FBXL7: variants seen among roughly 807,000 people sequenced by gnomAD.
FBXL7 encodes the protein F-box and leucine rich repeat protein 7, also known as F-box/LRR-repeat protein 7.
FBXL7 carries 12 observed loss-of-function variants against 38.3 expected under a neutral mutation model. That is an observed-to-expected ratio of 0.31 (90% CI 0.20 to 0.51). FBXL7 has a LOEUF of 0.51. Among genes scored for constraint, FBXL7 ranks in the 20% least tolerant of loss-of-function variants. The pLI, the probability that FBXL7 is intolerant of heterozygous loss-of-function variation, is 0.98. For missense variants in FBXL7, 567 were observed against 676.4 expected, an observed-to-expected ratio of 0.84 and a Z score of 1.79; for synonymous variants, 297 against 300.9, an observed-to-expected ratio of 0.99 and a Z score of 0.13.
intron 2 of FBXL7, among the ~76,000 whole-genome samples, chr5:15,639,505 CT>C (rs1741289749): frequency 6.6e-6 from 1 of 152,050 alleles, no homozygotes; most frequent in Admixed American, 6.6e-5. Flanking sequence ...ATGTGACTTG[CT>C]CCTCCTTGCC....
intron 2 of FBXL7, among the ~76,000 whole-genome samples, chr5:15,681,960 G>A (rs1742857347): frequency 1.3e-5 from 2 of 152,198 alleles, no homozygotes; most frequent in African/African-American, 2.4e-5. Flanking sequence ...TTAGATTCAT[G>A]TAAACACAGC....
intron 2 of FBXL7, among the ~76,000 whole-genome samples, chr5:15,617,479 T>C (rs1740494926): frequency 6.7e-6 from 1 of 149,786 alleles, no homozygotes; most frequent in Non-Finnish European, 1.5e-5. Context: ...TTATTTGAGA[T>C]GGAGTCTCAC....
At chr5:15,523,676 T>C (rs996441020) in intron 1 of FBXL7, among the ~76,000 whole-genome samples, 1 of 152,170 alleles carries the variant, frequency 6.6e-6, no homozygotes, top group East Asian at 1.9e-4. Flanking sequence ...CCTGTTACCG[T>C]CCGTGGCGCC....
chr5:15,927,267 G>C (rs1741899860), intron 2 of FBXL7, among the ~76,000 whole-genome samples: 1 of 152,114 alleles, frequency 6.6e-6, no homozygotes, highest in Non-Finnish European at 1.5e-5. Context: ...GGGGGACAGA[G>C]CCCATGGCCT....
chr5:15,559,418 TTTTG>T (rs1227957855), intron 1 of FBXL7, among the ~76,000 whole-genome samples: 5 of 152,212 alleles, frequency 3.3e-5, no homozygotes, highest in African/African-American at 1.2e-4. Flanking sequence ...TGAGTGTGTG[TTTTG>T]TTTAAAAAGG....
chr5:15,824,320 C>T (rs539432870), intron 2 of FBXL7, among the ~76,000 whole-genome samples: 4 of 148,666 alleles, frequency 2.7e-5, no homozygotes, highest in South Asian at 2.1e-4. Context: ...AAGAGAAAAA[C>T]GTGGACCATT....
chr5:15,516,504 A>G (rs550728618), intron 1 of FBXL7, among the ~76,000 whole-genome samples: 1 of 152,254 alleles, frequency 6.6e-6, no homozygotes, highest in Non-Finnish European at 1.5e-5. Context: ...AGTTACTTGC[A>G]TGTCTTTAAT....
In FBXL7 at chr5:15,837,693, T is replaced by C. The variant is rs555586041; in HGVS notation, c.128-90197T>C. 2.0e-4 allele frequency among the ~76,000 whole-genome samples: 30 copies of C among 152,268 alleles called. No individual in the cohort carries two copies. In the South Asian group the frequency reaches 3.3e-3, roughly 17 times the overall value. Reference sequence around the variant, plus strand: ...ATTCTTAGTATGTTTAGTGTTAAGATATTATGAGAGCCAAGGATGGCAGCC... The same window carrying C: ...ATTCTTAGTATGTTTAGTGTTAAGACATTATGAGAGCCAAGGATGGCAGCC... On this transcript the variant is annotated intron_variant, in intron 2 of 3. Coordinates refer to ENST00000504595, the MANE Select transcript of FBXL7 (RefSeq NM_012304.5).
chr5:15,922,577 A>C (rs1348863811), intron 2 of FBXL7, among the ~76,000 whole-genome samples: 2 of 152,180 alleles, frequency 1.3e-5, no homozygotes, highest in Non-Finnish European at 2.9e-5. Context: ...CTCAGAATTT[A>C]AGGACACGCA....
chr5:15,785,869 A>G (rs1032772621), intron 2 of FBXL7, among the ~76,000 whole-genome samples: 1 of 152,252 alleles, frequency 6.6e-6, no homozygotes, highest in Non-Finnish European at 1.5e-5. Context: ...TTTGCAACAC[A>G]GTGAAATCCC....
At chr5:15,628,877 C>T (rs1327744128) in intron 2 of FBXL7, among the ~76,000 whole-genome samples, 1 of 152,116 alleles carries the variant, frequency 6.6e-6, no homozygotes, top group Non-Finnish European at 1.5e-5. Flanking sequence ...TGCTATAAAA[C>T]CACCCTTCCT....
intron 1 of FBXL7, among the ~76,000 whole-genome samples, chr5:15,567,912 C>CA (rs980095445): frequency 2.6e-5 from 4 of 152,256 alleles, no homozygotes; most frequent in Admixed American, 6.5e-5. Context: ...CATGTCCCTA[C>CA]AAAAGACATA....
At chr5:15,518,862 CT>C (rs968504648) in intron 1 of FBXL7, among the ~76,000 whole-genome samples, 1 of 152,098 alleles carries the variant, frequency 6.6e-6, no homozygotes, top group Non-Finnish European at 1.5e-5. Context: ...TTCTTAATTC[CT>C]TTGGCTTGCA....
chr5:15,601,552 C>A (rs1319614661), intron 1 of FBXL7, among the ~76,000 whole-genome samples: 3 of 152,118 alleles, frequency 2.0e-5, no homozygotes, highest in Non-Finnish European at 4.4e-5. Flanking sequence ...AAGCTCTGCC[C>A]TGGTACCTTT....
chr5:15,717,265 C>G (rs1023759098), intron 2 of FBXL7, among the ~76,000 whole-genome samples: 8 of 152,150 alleles, frequency 5.3e-5, no homozygotes, highest in Non-Finnish European at 7.3e-5. Flanking sequence ...GTCCCTGAGT[C>G]CCCTGCTGCT....
At chr5:15,686,016 C>T (rs1409382846) in intron 2 of FBXL7, among the ~76,000 whole-genome samples, 1 of 152,128 alleles carries the variant, frequency 6.6e-6, no homozygotes. Context: ...CCTGTTGCCC[C>T]TTTTGCCATA....
At chr5:15,534,143 T>G (rs1436492726) in intron 1 of FBXL7, among the ~76,000 whole-genome samples, 1 of 152,138 alleles carries the variant, frequency 6.6e-6, no homozygotes, top group Non-Finnish European at 1.5e-5. Context: ...GAGTGGTATG[T>G]TTGTTACAAT....
At chr5:15,510,437 G>T (rs1307162178) in intron 1 of FBXL7, among the ~76,000 whole-genome samples, 1 of 152,156 alleles carries the variant, frequency 6.6e-6, no homozygotes, top group Non-Finnish European at 1.5e-5. Context: ...GAGTACTGGG[G>T]TCAAGTAGTA....
At chr5:15,626,763 A>G (rs917668028) in intron 2 of FBXL7, among the ~76,000 whole-genome samples, 1 of 152,138 alleles carries the variant, frequency 6.6e-6, no homozygotes, top group Admixed American at 6.6e-5. Context: ...GCACCAAAAA[A>G]CTAATCATTG....
Sources: gnomAD v4.1 joint callset for allele counts (sites outside exome capture counted in the v4.1 genomes callset) on GRCh38, gnomAD v4.1.1 for gene constraint, MANE v1.5 for transcripts, NCBI Gene and HGNC (gene_info 2026-07-23, HGNC 2026-07-21) for gene names.